The following GPATCH2 variants were observed in gnomAD, a reference collection of about 807,000 sequenced individuals.
GPATCH2 encodes the protein G-patch domain containing 2.
In GPATCH2, 51 loss-of-function variants were observed where a neutral mutation model predicts 58.0. The ratio of observed to expected loss-of-function variants is 0.88; its 90% CI spans 0.70 to 1.11. The LOEUF (loss-of-function observed/expected upper bound fraction) is 1.11. Among genes scored for constraint, GPATCH2 ranks in the 50% most tolerant of loss-of-function variants. The pLI, the probability that GPATCH2 is intolerant of heterozygous loss-of-function variation, is 0.00. For synonymous variants in GPATCH2, 222 were observed against 218.5 expected, an observed-to-expected ratio of 1.02 and a Z score of -0.14; for missense variants, 625 against 652.2, an observed-to-expected ratio of 0.96 and a Z score of 0.45.
At chr1:217,610,221 T>C in intron 5 of GPATCH2, 100 bp downstream of exon 5, 1 of 1,559,078 alleles carries the variant, frequency 6.4e-7, no homozygotes, top group South Asian at 1.1e-5. Flanking sequence ...TTTTTAAGTT[T>C]AACATTAGAA....
At chr1:217,624,815 G>A (rs1470550009) in intron 1 of GPATCH2, among the ~76,000 whole-genome samples, 1 of 152,150 alleles carries the variant, frequency 6.6e-6, no homozygotes, top group Admixed American at 6.5e-5. Flanking sequence ...AATTGTAAGA[G>A]CCATTTTTCT....
At chr1:217,541,315 C>T (rs574547904) in intron 5 of GPATCH2, among the ~76,000 whole-genome samples, 4 of 152,210 alleles carry the variant, frequency 2.6e-5, no homozygotes, top group African/African-American at 4.8e-5. Context: ...TTGAATGCAA[C>T]ACAATTCGGC....
At chr1:217,584,643 A>G (rs1317944541) in intron 5 of GPATCH2, among the ~76,000 whole-genome samples, 2 of 152,104 alleles carry the variant, frequency 1.3e-5, no homozygotes, top group Non-Finnish European at 2.9e-5. Context: ...AATTTCAAAG[A>G]CATCAGAGGC....
chr1:217,604,703 GC>G (rs1349761307), intron 5 of GPATCH2, among the ~76,000 whole-genome samples: 3 of 152,098 alleles, frequency 2.0e-5, no homozygotes, highest in Non-Finnish European at 4.4e-5. Flanking sequence ...AGACTATCAA[GC>G]GCCCTTATGT....
intron 5 of GPATCH2, among the ~76,000 whole-genome samples, chr1:217,577,224 A>T (rs1480874886): frequency 6.6e-6 from 1 of 152,220 alleles, no homozygotes; most frequent in Non-Finnish European, 1.5e-5. Flanking sequence ...AAAATTCCCC[A>T]ATCAAATTTT....
rs546217786 is a variant in GPATCH2, at chr1:217,437,302, C to T, written c.1367-5937G>A. ...CCTGGGTTTCAAGCACAAAACTGGG[C>T]GACTGTTTGAGCAGACACCAAGCTA... is the stretch of plus-strand genomic sequence containing the variant. On this transcript the variant is annotated intron_variant, in intron 9 of 9. Coordinates refer to ENST00000366935, the MANE Select transcript of GPATCH2 (RefSeq NM_018040.5). Among the ~76,000 whole-genome samples, 43 of 152,248 alleles carry T rather than the reference C, an allele frequency of 2.8e-4. No individual in the cohort carries two copies. The South Asian group carries it at 8.1e-3, about 29-fold the overall frequency.
intron 5 of GPATCH2, among the ~76,000 whole-genome samples, chr1:217,568,081 C>T (rs1666345045): frequency 6.6e-6 from 1 of 152,180 alleles, no homozygotes; most frequent in South Asian, 2.1e-4. Context: ...CGTGCCACTG[C>T]ACTCCAGCCT....
At chr1:217,630,651 C>T (rs1669708044) in intron 1 of GPATCH2, among the ~76,000 whole-genome samples, 1 of 152,196 alleles carries the variant, frequency 6.6e-6, no homozygotes, top group Non-Finnish European at 1.5e-5. Flanking sequence ...AGATGAATTG[C>T]TCCTGGAGTA....
chr1:217,548,251 G>A (rs1665163925), intron 5 of GPATCH2, among the ~76,000 whole-genome samples: 1 of 152,064 alleles, frequency 6.6e-6, no homozygotes, highest in Non-Finnish European at 1.5e-5. Flanking sequence ...AGACACTGGG[G>A]CCTATTGGAG....
chr1:217,453,052 C>T (rs933783603), intron 8 of GPATCH2, among the ~76,000 whole-genome samples: 3 of 152,186 alleles, frequency 2.0e-5, no homozygotes, highest in African/African-American at 7.2e-5. Context: ...TTAGTTGTCA[C>T]TCTTCATGTA....
At chr1:217,513,370 T>C (rs1414213332) in intron 6 of GPATCH2, among the ~76,000 whole-genome samples, 1 of 152,170 alleles carries the variant, frequency 6.6e-6, no homozygotes, top group Admixed American at 6.5e-5. Flanking sequence ...CATAGGCCAC[T>C]ATAAGATTAT....
intron 8 of GPATCH2, among the ~76,000 whole-genome samples, chr1:217,477,547 AC>A (rs1309621286): frequency 1.3e-5 from 2 of 151,944 alleles, no homozygotes; most frequent in East Asian, 3.9e-4. Context: ...CTGACTGAAG[AC>A]CCCTTCGGCC....
intron 4 of GPATCH2, among the ~76,000 whole-genome samples, 196 bp downstream of exon 4, chr1:217,610,693 A>C (rs1668580795): frequency 6.6e-6 from 1 of 152,222 alleles, no homozygotes; most frequent in Admixed American, 6.5e-5. Context: ...CAATGAGCCT[A>C]GCAAGAAAGC....
At chr1:217,521,996 G>A (rs1663487139) in intron 5 of GPATCH2, among the ~76,000 whole-genome samples, 1 of 152,104 alleles carries the variant, frequency 6.6e-6, no homozygotes, top group African/African-American at 2.4e-5. Flanking sequence ...TTAAGTAAGA[G>A]CAGCAAATAT....
chr1:217,461,970 G>T (rs1459923441), intron 8 of GPATCH2, among the ~76,000 whole-genome samples: 1 of 152,146 alleles, frequency 6.6e-6, no homozygotes, highest in Admixed American at 6.5e-5. Context: ...CACGAGGCTT[G>T]TGATAAGTAC....
intron 5 of GPATCH2, among the ~76,000 whole-genome samples, chr1:217,522,341 T>G (rs1474422647): frequency 6.7e-6 from 1 of 148,756 alleles, no homozygotes; most frequent in Non-Finnish European, 1.5e-5. Context: ...AGCAACAACT[T>G]TTTTCATACC....
At chr1:217,626,890 G>A (rs1201609105) in intron 1 of GPATCH2, among the ~76,000 whole-genome samples, 1 of 151,752 alleles carries the variant, frequency 6.6e-6, no homozygotes, top group Non-Finnish European at 1.5e-5. Context: ...GGTAGGGTGG[G>A]ATAGGGAAGA....
chr1:217,451,259 CTATGCTTTCAGGAG>C (rs1659652466), intron 8 of GPATCH2, among the ~76,000 whole-genome samples: 2 of 152,130 alleles, frequency 1.3e-5, no homozygotes, highest in Non-Finnish European at 1.5e-5. Context: ...CATGGAAAAA[CTATGCTTTCAGGAG>C]TATACCCTTT....
intron 1 of GPATCH2, among the ~76,000 whole-genome samples, chr1:217,622,169 T>C (rs929673963): frequency 1.1e-4 from 16 of 152,204 alleles, no homozygotes; most frequent in Non-Finnish European, 5.9e-5. Flanking sequence ...TATACATCTA[T>C]GTAAAACCCA....
Sources: allele counts gnomAD v4.1 joint callset (sites outside exome capture counted in the v4.1 genomes callset), GRCh38; gene constraint gnomAD v4.1.1; transcripts MANE v1.5; gene names NCBI Gene and HGNC (gene_info 2026-07-23, HGNC 2026-07-21).